SOAT1: variants seen among roughly 807,000 people sequenced by gnomAD.
SOAT1 encodes sterol O-acyltransferase 1, also known as acyl-coenzyme A:cholesterol acyltransferase 1.
In SOAT1, 55 loss-of-function variants were observed where a neutral mutation model predicts 69.5. The observed-to-expected ratio is 0.79, with a 90% CI of 0.64 to 0.99. The LOEUF is 0.99. Ranked by LOEUF, SOAT1 falls within the 50% of genes least tolerant of loss-of-function variation. SOAT1 has a pLI of 0.00. For synonymous variants in SOAT1, 231 were observed against 224.7 expected (o/e 1.03, Z -0.25); for missense variants, 580 against 669.3 (o/e 0.87, Z 1.47).
At position 179,343,640 on chromosome 1, in the gene SOAT1, G is replaced by C. The variant is rs1426925526; in HGVS notation, c.987+5G>C. The C allele has an allele frequency of 8.1e-6, 13 of 1,606,406 alleles. No homozygotes were observed. The highest frequency in any genetic ancestry group is 1.1e-5 in the Non-Finnish European group (13 of 1,174,206). ...GTCGCTATGAAGTTTGCACAGGTAA[G>C]TTTTTGTAACTGCCTAAGGTATGTT... is the stretch of plus-strand genomic sequence containing the variant. On this transcript the variant is annotated splice_donor_5th_base_variant and intron_variant, in intron 10 of 15. Transcript: ENST00000367619.
At chr1:179,298,696 C>T (rs909320716) in intron 1 of SOAT1, among the ~76,000 whole-genome samples, 5 of 152,022 alleles carry the variant, frequency 3.3e-5, no homozygotes, top group Non-Finnish European at 5.9e-5. Flanking sequence ...TAATATTAGC[C>T]TACAGTTGGG....
At chr1:179,340,951 A>C in intron 6 of SOAT1, 77 bp from the exon 7 acceptor site, 9 of 1,402,048 alleles carry the variant, frequency 6.4e-6, no homozygotes, top group Non-Finnish European at 8.8e-6. Flanking sequence ...TTGGTGTTTG[A>C]AACTTTTAAA....
chr1:179,333,800 TC>T (rs10716719), intron 3 of SOAT1, among the ~76,000 whole-genome samples: 74,907 of 150,000 alleles, frequency 0.5, 19,579 homozygotes, highest in East Asian at 0.84. Context: ...GCCGTTGCCC[TC>T]TAGCCTGGGC....
At chr1:179,306,430 G>A (rs1665006088) in intron 2 of SOAT1, among the ~76,000 whole-genome samples, 2 of 152,168 alleles carry the variant, frequency 1.3e-5, no homozygotes, top group Admixed American at 1.3e-4. Flanking sequence ...TGATTGGGCA[G>A]TATTTCCTTC....
intron 2 of SOAT1, among the ~76,000 whole-genome samples, chr1:179,311,047 T>C (rs1665203243): frequency 6.6e-6 from 1 of 152,138 alleles, no homozygotes; most frequent in African/African-American, 2.4e-5. Flanking sequence ...TTCAATTTCT[T>C]TGAATCTCAG....
chr1:179,300,978 T>C (rs990066688), intron 1 of SOAT1, among the ~76,000 whole-genome samples: 12 of 151,924 alleles, frequency 7.9e-5, no homozygotes, highest in Non-Finnish European at 1.8e-4. Flanking sequence ...ACCTGTAATC[T>C]CAGCCACTCG....
chr1:179,350,313 C>A lies in SOAT1; in HGVS notation c.1332C>A (p.Phe444Leu), dbSNP rs762555067. The part of the protein sequence containing the change: ...KDFLWFFSKR[F>L]KSAAMLAVFA... The stretch of plus-strand genomic sequence containing the variant: ...TTCTTTAGTTTTTCTCCAAGAGATT[C>A]AAATCTGCTGCCATGTTAGCTGTCT... Residue 444 changes from phenylalanine (F) to leucine (L), a missense_variant, in exon 14 of 16, where the codon TTC (phenylalanine) becomes TTA (leucine). Coordinates refer to ENST00000367619, the MANE Select transcript of SOAT1 (RefSeq NM_003101.6). 2 of 1,611,610 alleles carry A rather than the reference C, an allele frequency of 1.2e-6. No individual in the cohort carries two copies. Among genetic ancestry groups the A allele is most frequent in the Non-Finnish European group, 1.7e-6 (2 of 1,179,416 alleles).
At chr1:179,344,840 G>A (rs1456116959) in intron 10 of SOAT1, 107 bp from the exon 11 acceptor site, 14 of 1,025,118 alleles carry the variant, frequency 1.4e-5, no homozygotes, top group East Asian at 2.4e-5. Flanking sequence ...ATACATATGC[G>A]AACATTACTG....
At chr1:179,337,360 G>C (rs963265594) in intron 4 of SOAT1, among the ~76,000 whole-genome samples, 17 of 152,194 alleles carry the variant, frequency 1.1e-4, no homozygotes, top group Non-Finnish European at 7.3e-5. Context: ...TTGATATCAG[G>C]AAGGGTATGG....
At chr1:179,331,501 G>C (rs1043107607) in intron 3 of SOAT1, among the ~76,000 whole-genome samples, 1 of 152,170 alleles carries the variant, frequency 6.6e-6, no homozygotes, top group East Asian at 1.9e-4. Context: ...ACTTTGGGAG[G>C]CCAAGGCAGG....
At chr1:179,327,339 C>T (rs866320158) in intron 3 of SOAT1, among the ~76,000 whole-genome samples, 6 of 152,156 alleles carry the variant, frequency 3.9e-5, no homozygotes, top group Admixed American at 6.6e-5. Context: ...TCCTCCCAGT[C>T]GTCACTTCAT....
intron 6 of SOAT1, among the ~76,000 whole-genome samples, 154 bp downstream of exon 6, chr1:179,339,699 T>C (rs1207247732): frequency 6.6e-6 from 1 of 152,236 alleles, no homozygotes; most frequent in Non-Finnish European, 1.5e-5. Flanking sequence ...AAAGTTTAAC[T>C]GATGGAGAAA....
rs1666946893 is a variant in SOAT1 at position 179,357,543 on chromosome 1, T to G, written c.*3902T>G. ...GAAGTTTATATAAGGATTTGACTTT[T>G]GTATCATTATTAAAGTTTCTGTCAG... is the stretch of plus-strand genomic sequence containing the variant. On this transcript the variant is annotated 3_prime_UTR_variant, in exon 16 of 16. Transcript: ENST00000367619. 1 of 151,364 alleles carries G rather than the reference T, an allele frequency of 6.6e-6. No individual in the cohort carries two copies. 9.4% of individuals were successfully genotyped at this position (151,364 alleles called of 1,614,324 possible).
chr1:179,350,355 A>G lies in SOAT1; in HGVS notation c.1374A>G (p.Val458=). 6.2e-7 allele frequency: 1 copy of G among 1,614,042 alleles called. No homozygotes were observed. Among genetic ancestry groups the G allele is most frequent in the Non-Finnish European group, 8.5e-7 (1 of 1,179,942 alleles). Residue 458 remains valine (V), a synonymous_variant, in exon 14 of 16, where the codon GTA becomes GTG. Transcript: ENST00000367619. ...TAGCTGTCTTTGCTGTATCTGCTGTAGTACACGAATATGCCTTGGCTGTTT... is the reference window on the plus strand; with the variant it reads ...TAGCTGTCTTTGCTGTATCTGCTGTGGTACACGAATATGCCTTGGCTGTTT... The part of the protein sequence containing the change: ...AMLAVFAVSA[V]VHEYALAVCL...
chr1:179,301,077 G>T (rs1408982333), intron 1 of SOAT1, among the ~76,000 whole-genome samples: 1 of 152,068 alleles, frequency 6.6e-6, no homozygotes, highest in Non-Finnish European at 1.5e-5. Context: ...CCTGGGCAAA[G>T]CGATACTCCT....
chr1:179,340,976 T>C (rs1461519869), intron 6 of SOAT1, 52 bp from the exon 7 acceptor site: 1 of 1,545,086 alleles, frequency 6.5e-7, no homozygotes, highest in Non-Finnish European at 8.8e-7. Context: ...GTGAACTCAG[T>C]GTATATTAAA....
chr1:179,315,369 C>A (rs1031963786), intron 2 of SOAT1, among the ~76,000 whole-genome samples: 9 of 151,462 alleles, frequency 5.9e-5, no homozygotes, highest in Non-Finnish European at 5.9e-5. Context: ...GAGGCTGAGG[C>A]GGGAGGATCC....
intron 3 of SOAT1, 129 bp from the exon 4 acceptor site, chr1:179,335,376 CT>C: frequency 4.1e-6 from 3 of 738,380 alleles, no homozygotes; most frequent in Non-Finnish European, 6.5e-6. Flanking sequence ...TGATTTTTTG[CT>C]TTTACTCCTG....
At chr1:179,339,094 T>G (rs1053093516) in intron 5 of SOAT1, among the ~76,000 whole-genome samples, 9 of 152,094 alleles carry the variant, frequency 5.9e-5, no homozygotes, top group African/African-American at 2.2e-4. Context: ...ATCATCATCA[T>G]CATGATCAAC....
Sources: allele counts gnomAD v4.1 joint callset (sites outside exome capture counted in the v4.1 genomes callset), GRCh38; gene constraint gnomAD v4.1.1; transcripts MANE v1.5; gene names NCBI Gene and HGNC (gene_info 2026-07-23, HGNC 2026-07-21).